MCM3AP: variants seen among roughly 807,000 people sequenced by gnomAD.
MCM3AP encodes the protein minichromosome maintenance complex component 3 associated protein.
In MCM3AP, 126 loss-of-function variants were observed where a neutral mutation model predicts 184.1. That is an observed-to-expected ratio of 0.68 (90% CI 0.59 to 0.79). The LOEUF (loss-of-function observed/expected upper bound fraction) is 0.79, where lower values mean the gene tolerates loss of function less well. Among genes scored for constraint, MCM3AP ranks in the 30% least tolerant of loss-of-function variants. The pLI is 0.00. For missense variants in MCM3AP, 2,496 were observed against 2,479.2 expected (o/e 1.01, Z -0.14); for synonymous variants, 1,002 against 979.3 (o/e 1.02, Z -0.43).
In MCM3AP at chr21:46,280,112, C is replaced by T; in HGVS notation, c.1548G>A (p.Leu516=). 6.2e-7 allele frequency: 1 copy of T among 1,614,180 alleles called. No individual in the cohort carries two copies. The change falls in exon 4 of 28, where the codon CTG becomes CTA. Residue 516 remains leucine (L), a synonymous_variant. Transcript: ENST00000291688. ...CACCGTCACCTGGTTTCTTCTCCTT[C>T]AGGGAAAAGGGTTTCTTATTGGGGC... ...KISPNKKPFS[L]KEKKPGDGEV... is the part of the protein sequence containing the mutation.
Position 46,243,032 on chromosome 21 carries a change from A to G in MCM3AP, c.5297-101T>C, listed in dbSNP as rs566873148. On this transcript the variant is annotated intron_variant, in intron 24 of 27. Transcript: ENST00000291688. ...AAAAAAACAAAAACAGGTACAAATA[A>G]TATTTAAACAGCGACAGGTGGCATG... is the stretch of plus-strand genomic sequence containing the variant. The G allele has an allele frequency of 1.0e-4, 109 of 1,083,676 alleles. No individual in the cohort carries two copies. The East Asian group carries it at 2.6e-3, about 26-fold the overall frequency. 67.1% of individuals were successfully genotyped at this position (1,083,676 alleles called of 1,614,324 possible).
chr21:46,261,170 G>A, intron 14 of MCM3AP, 110 bp downstream of exon 14: 10 of 1,386,914 alleles, frequency 7.2e-6, no homozygotes, highest in Non-Finnish European at 1.0e-5. Context: ...GGTCAGCAGG[G>A]GTGGAATGGT....
In MCM3AP at chr21:46,261,431, T is replaced by A. The variant is rs757114757; in HGVS notation, c.3336-20A>T. On this transcript the variant is annotated intron_variant, in intron 13 of 27. Coordinates refer to ENST00000291688, the MANE Select transcript of MCM3AP (RefSeq NM_003906.5). ...GAAACACTAAACGGAGCAAAGGGGA[T>A]AGCATTCAAAATCAGAGTCAAGGCC... 1.8e-5 allele frequency: 29 copies of A among 1,612,040 alleles called. No homozygotes were observed. The highest frequency in any genetic ancestry group is 2.5e-5 in the Non-Finnish European group (29 of 1,179,008).
intron 18 of MCM3AP, 79 bp from the exon 19 acceptor site, chr21:46,254,605 A>AG (rs1205381437): frequency 3.8e-6 from 6 of 1,563,764 alleles, no homozygotes; most frequent in Non-Finnish European, 4.4e-6. Flanking sequence ...ATGAGCAGGA[A>AG]GGGGCAGGTT....
At chr21:46,241,529 T>G (rs760448726) in intron 25 of MCM3AP, 1 of 156,610 alleles carries the variant, frequency 6.4e-6, no homozygotes, top group Non-Finnish European at 1.4e-5. Flanking sequence ...CTAACACTTT[T>G]GTCACATATT....
intron 3 of MCM3AP, 56 bp from the exon 4 acceptor site, chr21:46,280,193 G>T (rs2081314316): frequency 6.4e-7 from 1 of 1,553,692 alleles, no homozygotes; most frequent in Admixed American, 1.7e-5. Flanking sequence ...CCTGGAACTG[G>T]ATTTTTTCAC....
chr21:46,271,331 T>TG (rs2081177235), intron 8 of MCM3AP, among the ~76,000 whole-genome samples: 1 of 150,884 alleles, frequency 6.6e-6, no homozygotes, highest in African/African-American at 2.4e-5. Context: ...CCTGGGTTTT[T>TG]TTTTTTTTTT....
chr21:46,239,152 A>G (rs1203991783), intron 26 of MCM3AP, among the ~76,000 whole-genome samples: 1 of 152,248 alleles, frequency 6.6e-6, no homozygotes, highest in Non-Finnish European at 1.5e-5. Flanking sequence ...TACCATGCTC[A>G]AGGAAGGAGC....
rs772585213 is a variant in MCM3AP, at chr21:46,280,476, AAAG to A, written c.1522+18_1522+20del. 17 of 1,534,728 alleles carry A rather than the reference AAAG, an allele frequency of 1.1e-5. 1 individual carries two copies. Among genetic ancestry groups the A allele is most frequent in the Middle Eastern group, 1.7e-4 (1 of 5,842 alleles). ...TAAAAATAATTTTTTTAAAAAGTGA[AAAG>A]AATAATTGAAAACTCACTTATTTTC... On this transcript the variant is annotated intron_variant, in intron 3 of 27. Transcript: ENST00000291688.
rs1327982983 is a variant in MCM3AP at position 46,235,234 on chromosome 21, T to G, written c.*34A>C. The stretch of plus-strand genomic sequence containing the variant: ...TATTTTGAGTAAAAACAGAAACTCT[T>G]CGGGAGAGACCCCCTCCCCACAGGT... On this transcript the variant is annotated 3_prime_UTR_variant, in exon 28 of 28. Coordinates refer to ENST00000291688, the MANE Select transcript of MCM3AP (RefSeq NM_003906.5). 1.9e-6 allele frequency: 3 copies of G among 1,609,418 alleles called. No individual in the cohort carries two copies. Among genetic ancestry groups the G allele is most frequent in the Non-Finnish European group, 1.7e-6 (2 of 1,176,578 alleles).
chr21:46,285,271 G>C lies in MCM3AP; in HGVS notation c.16C>G (p.Pro6Ala). 1.9e-6 allele frequency: 3 copies of C among 1,612,306 alleles called. No individual in the cohort carries two copies. Among genetic ancestry groups the C allele is most frequent in the Non-Finnish European group, 2.5e-6 (3 of 1,178,644 alleles). The change falls in exon 1 of 28, where the codon CCT becomes GCT. Residue 6 changes from proline to alanine, a missense_variant. By Grantham distance (27) the Pro-to-Ala change is conservative. This residue lies in a region of MCM3AP where 800 missense variants were observed against 717.1 expected (regional missense o/e 1.12). Transcript: ENST00000291688. ...GCACTAGGCTGCTGCCCACTGAAAGGATTAGTTGGGTTCATCTTCTGCTCC... is the reference window on the plus strand; with the variant it reads ...GCACTAGGCTGCTGCCCACTGAAAGCATTAGTTGGGTTCATCTTCTGCTCC... MNPTN[P>A]FSGQQPSAFS...
rs754670172 is a variant in MCM3AP at position 46,251,881 on chromosome 21, C to CTTTTTTTTTT, written c.4137-209_4137-200dup. 33 of 127,754 alleles carry CTTTTTTTTTT rather than the reference C, an allele frequency of 2.6e-4. 1 individual carries two copies. Among genetic ancestry groups the CTTTTTTTTTT allele is most frequent in the East Asian group, 1.1e-3 (6 of 5,700 alleles). 7.9% of individuals were successfully genotyped at this position (127,754 alleles called of 1,614,324 possible). On this transcript the variant is annotated intron_variant, in intron 19 of 27. Coordinates refer to ENST00000291688, the MANE Select transcript of MCM3AP (RefSeq NM_003906.5). The stretch of plus-strand genomic sequence containing the variant: ...AATGGAGCAACGATCTGTACTCGTT[C>CTTTTTTTTTT]TTTTTTTTTTTTTTTTTTTTTTGAG...
chr21:46,255,877 G>A (rs531310126), intron 17 of MCM3AP, among the ~76,000 whole-genome samples: 31 of 152,184 alleles, frequency 2.0e-4, no homozygotes, highest in Admixed American at 8.5e-4. Flanking sequence ...CCAGGAGAAG[G>A]CCAGGTCACT....
chr21:46,261,643 G>A (rs1348404923), intron 13 of MCM3AP, among the ~76,000 whole-genome samples: 1 of 150,454 alleles, frequency 6.6e-6, no homozygotes, highest in East Asian at 2.0e-4. Context: ...TGAGGCAGAA[G>A]AATTGCTCGG....
chr21:46,285,309 G>T lies in MCM3AP; in HGVS notation c.-23C>A. 1 of 1,532,290 alleles carries T rather than the reference G, an allele frequency of 6.5e-7. No homozygotes were observed. Among genetic ancestry groups the T allele is most frequent in the Non-Finnish European group, 9.0e-7 (1 of 1,108,614 alleles). The allele number at this position is 1,532,290 out of a possible 1,614,324, so 94.9% of individuals were successfully genotyped here. On this transcript the variant is annotated 5_prime_UTR_variant, in exon 1 of 28. It introduces an in-frame stop codon into an upstream open reading frame of the 5' UTR. Coordinates refer to ENST00000291688, the MANE Select transcript of MCM3AP (RefSeq NM_003906.5). ...CATCTTCTGCTCCAATTATTAGAAG[G>T]TAATTAAGTATTATGTGTACAAAAT... is the stretch of plus-strand genomic sequence containing the variant.
intron 5 of MCM3AP, among the ~76,000 whole-genome samples, chr21:46,276,567 A>G (rs1455216328): frequency 6.6e-6 from 1 of 151,848 alleles, no homozygotes; most frequent in African/African-American, 2.4e-5. Context: ...TCAGCCTCCC[A>G]AGTAGCTGGG....
At chr21:46,268,649 A>G (rs1174410725) in intron 9 of MCM3AP, among the ~76,000 whole-genome samples, 1 of 152,256 alleles carries the variant, frequency 6.6e-6, no homozygotes, top group Non-Finnish European at 1.5e-5. Flanking sequence ...GCCTCTGAGC[A>G]GGAGTGCACA....
chr21:46,284,298 T>A lies in MCM3AP; in HGVS notation c.989A>T (p.Asn330Ile). The change falls in exon 1 of 28, where the codon AAT becomes ATT. Residue 330 changes from asparagine to isoleucine, a missense_variant. Around this residue, in one of 5 missense-constraint regions of MCM3AP, gnomAD observed 800 missense variants for 717.1 expected, o/e 1.12. Transcript: ENST00000291688. ...HPPDKRPVRL[N>I]RPRGGTLFGR... ...AAATAAAGTACCTCCCCGGGGTCGA[T>A]TCAGGCGGACAGGTCGTTTGTCTGG... is the stretch of plus-strand genomic sequence containing the variant. 1 of 1,614,212 alleles carries A rather than the reference T, an allele frequency of 6.2e-7. No homozygotes were observed. The highest frequency in any genetic ancestry group is 8.5e-7 in the Non-Finnish European group (1 of 1,180,028).
In MCM3AP at chr21:46,235,273, T is replaced by C; in HGVS notation, c.5938A>G (p.Ile1980Val). Residue 1980 changes from isoleucine to valine, a missense_variant, in exon 28 of 28, where the codon ATT becomes GTT. This residue lies in a region of MCM3AP where 1,323 missense variants were observed against 1,273.4 expected (regional missense o/e 1.04). Transcript: ENST00000291688. The part of the protein sequence containing the change: ...HLSALLDMVD[I>V] The stretch of plus-strand genomic sequence containing the variant: ...CTCCCCACAGGTCAGGCTGCTCAAA[T>C]GTCCACCATGTCTAGCAGCGCAGAG... 2 of 1,614,182 alleles carry C rather than the reference T, an allele frequency of 1.2e-6. No homozygotes were observed. The highest frequency in any genetic ancestry group is 8.5e-7 in the Non-Finnish European group (1 of 1,180,006).
Sources: gnomAD v4.1 joint callset for allele counts (sites outside exome capture counted in the v4.1 genomes callset) on GRCh38, gnomAD v4.1.1 for gene constraint, gnomAD v4.1.1 regional missense constraint, MANE v1.5 for transcripts, NCBI Gene and HGNC (gene_info 2026-07-23, HGNC 2026-07-21) for gene names.